Variants in PTPN9 observed in about 807,000 individuals in gnomAD.
PTPN9 encodes protein tyrosine phosphatase non-receptor type 9, also known as tyrosine-protein phosphatase non-receptor type 9.
A neutral mutation model predicts 69.8 loss-of-function variants in PTPN9; 26 were observed. The ratio of observed to expected loss-of-function variants is 0.37; its 90% CI spans 0.27 to 0.52. The LOEUF is 0.52. PTPN9 is among the 20% of genes least tolerant of loss of function. The pLI, the probability that PTPN9 is intolerant of heterozygous loss-of-function variation, is 0.91. For synonymous variants in PTPN9, 274 were observed against 272.5 expected, an observed-to-expected ratio of 1.01 and a Z score of -0.05; for missense variants, 549 against 740.3, an observed-to-expected ratio of 0.74 and a Z score of 3.00.
Position 75,517,256 on chromosome 15 carries a change from T to C in PTPN9, c.528+3A>G, listed in dbSNP as rs1595958963. On this transcript the variant is annotated splice_donor_region_variant and intron_variant, in intron 5 of 12. Coordinates refer to ENST00000618819, the MANE Select transcript of PTPN9 (RefSeq NM_002833.4). ...AACTTGAGAGGGCCCTCCATAGCCT[T>C]ACCTTCAGCAGGTTTAGGACTTTCT... 5 of 1,608,250 alleles carry C rather than the reference T, an allele frequency of 3.1e-6. No individual in the cohort carries two copies. Among genetic ancestry groups the C allele is most frequent in the South Asian group, 1.1e-5 (1 of 90,868 alleles).
chr15:75,482,112 A>G (rs1483613045), intron 8 of PTPN9, among the ~76,000 whole-genome samples: 1 of 151,348 alleles, frequency 6.6e-6, no homozygotes, highest in Non-Finnish European at 1.5e-5. Context: ...GTTCTGCACT[A>G]AGAAAAATTC....
Position 75,490,311 on chromosome 15 carries a change from A to G in PTPN9, c.969-10T>C. The G allele has an allele frequency of 1.9e-6, 3 of 1,578,256 alleles. No homozygotes were observed. The highest frequency in any genetic ancestry group is 1.7e-6 in the Non-Finnish European group (2 of 1,147,520). On this transcript the variant is annotated splice_polypyrimidine_tract_variant and intron_variant, in intron 7 of 12. Coordinates refer to ENST00000618819, the MANE Select transcript of PTPN9 (RefSeq NM_002833.4). ...TAGGTTTCCTGGAGACCTGAAGGAA[A>G]CGAAACAAACAAGCAAGAATAAAGA...
chr15:75,488,273 C>T (rs2074689822), intron 8 of PTPN9, among the ~76,000 whole-genome samples: 1 of 151,876 alleles, frequency 6.6e-6, no homozygotes, highest in South Asian at 2.1e-4. Context: ...AAGAGCGAAA[C>T]TCTGTCTCAA....
chr15:75,573,459 G>A (rs1567532201), intron 1 of PTPN9, among the ~76,000 whole-genome samples: 1 of 152,190 alleles, frequency 6.6e-6, no homozygotes, highest in Non-Finnish European at 1.5e-5. Flanking sequence ...ATGAGGATTT[G>A]TATCCGTTCA....
intron 1 of PTPN9, among the ~76,000 whole-genome samples, chr15:75,550,800 A>C (rs2075053730): frequency 6.6e-6 from 1 of 151,872 alleles, no homozygotes; most frequent in Admixed American, 6.6e-5. Flanking sequence ...ATAAATAAAT[A>C]ATAAAAATAA....
At chr15:75,544,505 G>T (rs1326197639) in intron 1 of PTPN9, among the ~76,000 whole-genome samples, 1 of 152,142 alleles carries the variant, frequency 6.6e-6, no homozygotes, top group Non-Finnish European at 1.5e-5. Context: ...GTTCCAGCCT[G>T]GGTGACAGAG....
At chr15:75,518,788 G>T (rs1481552015) in intron 4 of PTPN9, among the ~76,000 whole-genome samples, 3 of 148,300 alleles carry the variant, frequency 2.0e-5, no homozygotes, top group African/African-American at 7.5e-5. Flanking sequence ...CTGCACTCCA[G>T]CCTGGGCAAC....
intron 5 of PTPN9, among the ~76,000 whole-genome samples, chr15:75,514,564 C>G (rs1275498588): frequency 6.6e-6 from 1 of 152,014 alleles, no homozygotes; most frequent in Non-Finnish European, 1.5e-5. Flanking sequence ...GGCAACAGAG[C>G]AAGACCTGGT....
chr15:75,574,492 TGGAA>T (rs762443889), intron 1 of PTPN9, among the ~76,000 whole-genome samples: 6 of 151,890 alleles, frequency 4.0e-5, no homozygotes, highest in Non-Finnish European at 8.8e-5. Flanking sequence ...GCAGTGATGG[TGGAA>T]GGAAGCCAAT....
At chr15:75,494,507 C>A (rs1260693824) in intron 7 of PTPN9, among the ~76,000 whole-genome samples, 1 of 150,900 alleles carries the variant, frequency 6.6e-6, no homozygotes, top group Non-Finnish European at 1.5e-5. Flanking sequence ...AGCCTGCCAC[C>A]ATACCTGGCT....
At chr15:75,537,442 CTA>C (rs1491375428) in intron 1 of PTPN9, among the ~76,000 whole-genome samples, 1 of 49,754 alleles carries the variant, frequency 2.0e-5, no homozygotes, top group African/African-American at 1.3e-4. Context: ...AATATCTTCC[CTA>C]AAAAAAAAAA....
At chr15:75,531,030 C>T (rs1318846809) in intron 1 of PTPN9, among the ~76,000 whole-genome samples, 2 of 146,194 alleles carry the variant, frequency 1.4e-5, no homozygotes, top group African/African-American at 5.1e-5. Context: ...CAAGTCCTAC[C>T]TTACAAATAC....
rs988160116 is a variant in PTPN9 at position 75,491,257 on chromosome 15, G to A, written c.969-956C>T. Reference sequence around the variant, plus strand: ...GCCTTTACTAAAAATACAAAAATTAGCCAGGTGTGATGGCACACACCTGTA... The same window carrying A: ...GCCTTTACTAAAAATACAAAAATTAACCAGGTGTGATGGCACACACCTGTA... On this transcript the variant is annotated intron_variant, in intron 7 of 12. Coordinates refer to ENST00000618819, the MANE Select transcript of PTPN9 (RefSeq NM_002833.4). 9.9e-5 allele frequency among the ~76,000 whole-genome samples: 15 copies of A among 151,926 alleles called. 1 individual carries two copies. Among genetic ancestry groups the A allele is most frequent in the Admixed American group, 9.2e-4 (14 of 15,234 alleles).
Position 75,579,030 on chromosome 15 carries a change from C to G in PTPN9, c.-254G>C, listed in dbSNP as rs1489275034. ...TATTCGCTCCGTTCCTCACACTCCCCCTTATCTCCTGGGGAAGAAAAAGTG... is the reference window on the plus strand; with the variant it reads ...TATTCGCTCCGTTCCTCACACTCCCGCTTATCTCCTGGGGAAGAAAAAGTG... On this transcript the variant is annotated 5_prime_UTR_variant, in exon 1 of 13. Transcript: ENST00000618819. The G allele has an allele frequency of 4.0e-6, 1 of 247,568 alleles. No homozygotes were observed. Among genetic ancestry groups the G allele is most frequent in the Non-Finnish European group, 7.7e-6 (1 of 130,572 alleles). The allele number at this position is 247,568 out of a possible 1,614,324, so 15.3% of individuals were successfully genotyped here. A position where few individuals can be genotyped will look rare whatever the true frequency, so the allele number is the denominator to read the frequency against.
rs2074738024 is a variant in PTPN9 at position 75,495,866 on chromosome 15, A to G, written c.969-5565T>C. Reference sequence around the variant, plus strand: ...TTGATAAGATCATTAGGCCAGGTGTAGTGGCTCATTCCTGTAATCCCAGTA... The same window carrying G: ...TTGATAAGATCATTAGGCCAGGTGTGGTGGCTCATTCCTGTAATCCCAGTA... On this transcript the variant is annotated intron_variant, in intron 7 of 12. Transcript: ENST00000618819. Among the ~76,000 whole-genome samples, 3 of 152,298 alleles carry G rather than the reference A, an allele frequency of 2.0e-5. No individual in the cohort carries two copies. In the South Asian group the frequency reaches 6.2e-4, roughly 32 times the overall value.
chr15:75,504,276 G>A (rs1161163437), intron 7 of PTPN9, among the ~76,000 whole-genome samples: 22 of 123,732 alleles, frequency 1.8e-4, no homozygotes, highest in East Asian at 5.3e-4. Context: ...CCCCCTGCCC[G>A]GCCAGCCGCC....
chr15:75,559,820 G>GA (rs916433817), intron 1 of PTPN9, among the ~76,000 whole-genome samples: 58 of 145,502 alleles, frequency 4.0e-4, no homozygotes, highest in African/African-American at 1.3e-3. Context: ...CTGAAGAAAA[G>GA]AAAAAAATGA....
chr15:75,505,113 A>G (rs2074811109), intron 7 of PTPN9, among the ~76,000 whole-genome samples: 1 of 152,084 alleles, frequency 6.6e-6, no homozygotes, highest in South Asian at 2.1e-4. Context: ...TTCTGTACTA[A>G]GATAAATTCT....
chr15:75,558,285 G>A (rs905662074), intron 1 of PTPN9, among the ~76,000 whole-genome samples: 3 of 150,706 alleles, frequency 2.0e-5, no homozygotes, highest in South Asian at 2.1e-4. Context: ...CCGAGATTGC[G>A]CCACTGCACT....
Sources: allele counts gnomAD v4.1 joint callset (sites outside exome capture counted in the v4.1 genomes callset), GRCh38; gene constraint gnomAD v4.1.1; transcripts MANE v1.5; gene names NCBI Gene and HGNC (gene_info 2026-07-23, HGNC 2026-07-21).